The following NDE1 variants were observed in gnomAD, a reference collection of about 807,000 sequenced individuals.
The protein encoded by NDE1 is nuclear distribution protein nudE homolog 1.
A neutral mutation model predicts 43.4 loss-of-function variants in NDE1; 28 were observed. That is an observed-to-expected ratio of 0.65 (90% CI 0.48 to 0.89). NDE1 has a LOEUF of 0.89. NDE1 is among the 40% of genes least tolerant of loss of function. The pLI, the probability that NDE1 is intolerant of heterozygous loss-of-function variation, is 0.00. For missense variants in NDE1, 441 were observed against 434.1 expected, an observed-to-expected ratio of 1.02 and a Z score of -0.14; for synonymous variants, 184 against 172.0, an observed-to-expected ratio of 1.07 and a Z score of -0.55.
At chr16:15,687,314 G>T (rs748536366) in intron 4 of NDE1, 61 bp from the exon 5 acceptor site, 1 of 1,612,344 alleles carries the variant, frequency 6.2e-7, no homozygotes, top group East Asian at 2.2e-5. Flanking sequence ...TCCTGGATCC[G>T]CGGTGCTGGA....
intron 2 of NDE1, among the ~76,000 whole-genome samples, chr16:15,665,065 T>C (rs1409930348): frequency 6.6e-6 from 1 of 151,900 alleles, no homozygotes; most frequent in South Asian, 2.1e-4. Flanking sequence ...CAGGCTTTTT[T>C]TTTTTTGGCG....
intron 3 of NDE1, among the ~76,000 whole-genome samples, chr16:15,670,748 C>T (rs1190717333): frequency 6.6e-6 from 1 of 151,808 alleles, no homozygotes; most frequent in East Asian, 1.9e-4. Flanking sequence ...GTTGCTGACA[C>T]TTGGTGCTTG....
Position 15,718,400 on chromosome 16 carries a change from C to T in NDE1, c.948-5791C>T, listed in dbSNP as rs148433586. The T allele has an allele frequency of 6.3e-6, 10 of 1,596,380 alleles. No individual in the cohort carries two copies. The highest frequency in any genetic ancestry group is 4.5e-5 in the East Asian group (2 of 44,680). The stretch of plus-strand genomic sequence containing the variant: ...CAGCTCCTCCTCCAGCTGGGCGATC[C>T]GGGCCTCCAGGCGGCGCTTCTCGTC... On this transcript the variant is annotated intron_variant, in intron 8 of 8. Coordinates refer to ENST00000396354, the MANE Select transcript of NDE1 (RefSeq NM_017668.3).
chr16:15,649,431 A>C (rs1021007508), upstream of NDE1: 3 of 152,108 alleles, frequency 2.0e-5, no homozygotes, highest in African/African-American at 7.3e-5. Flanking sequence ...GTTTCCCGTG[A>C]TTCTCCTGCC....
chr16:15,720,240 GCTT>G lies in NDE1; in HGVS notation c.948-3944_948-3942del, dbSNP rs755547393. 3.9e-5 allele frequency: 63 copies of G among 1,613,982 alleles called. No individual in the cohort carries two copies. The highest frequency in any genetic ancestry group is 8.3e-5 in the Admixed American group (5 of 59,978). On this transcript the variant is annotated intron_variant, in intron 8 of 8. Coordinates refer to ENST00000396354, the MANE Select transcript of NDE1 (RefSeq NM_017668.3). Reference sequence around the variant, plus strand: ...TCCAGGTCTTTCAGGTCCCCTTCCAGCTTCTTCTTTGCTGCAGCTGCCAGGGCA... The same window carrying G: ...TCCAGGTCTTTCAGGTCCCCTTCCAGCTTCTTTGCTGCAGCTGCCAGGGCA...
intron 8 of NDE1, among the ~76,000 whole-genome samples, chr16:15,723,492 C>T (rs2040589847): frequency 6.6e-6 from 1 of 151,962 alleles, no homozygotes; most frequent in South Asian, 2.1e-4. Context: ...ACTAAAAATA[C>T]AAAAATTAGC....
chr16:15,693,699 G>A (rs1404045952), intron 6 of NDE1, among the ~76,000 whole-genome samples: 2 of 152,152 alleles, frequency 1.3e-5, no homozygotes, highest in Non-Finnish European at 2.9e-5. Flanking sequence ...CAGCACTTTT[G>A]GAGGCCAAGG....
intron 3 of NDE1, among the ~76,000 whole-genome samples, chr16:15,670,823 G>C (rs560036142): frequency 7.2e-5 from 11 of 152,192 alleles, no homozygotes; most frequent in African/African-American, 1.7e-4. Flanking sequence ...ATGGGTGTCG[G>C]GTGGACCTTG....
At chr16:15,652,952 C>A (rs985630265) in intron 1 of NDE1, among the ~76,000 whole-genome samples, 3 of 152,130 alleles carry the variant, frequency 2.0e-5, no homozygotes, top group African/African-American at 7.2e-5. Context: ...AGAGAGCCAC[C>A]GCGCCTGGCC....
rs142458525 is a variant in NDE1 at position 15,716,867 on chromosome 16, CAT to C, written c.948-7321_948-7320del. ...TATCCCTGCAGAGGCTGGGAAAAGTCATATGTACTGCTGGGAAGGCAGGTTAA... is the reference window on the plus strand; with the variant it reads ...TATCCCTGCAGAGGCTGGGAAAAGTCATGTACTGCTGGGAAGGCAGGTTAA... On this transcript the variant is annotated intron_variant, in intron 8 of 8. Transcript: ENST00000396354. Among the ~76,000 whole-genome samples, 667 of 152,310 alleles carry C rather than the reference CAT, an allele frequency of 4.4e-3. 1 individual carries two copies. The highest frequency in any genetic ancestry group is 0.014 in the African/African-American group (565 of 41,552).
rs1230103489 is a variant in NDE1 at position 15,724,837 on chromosome 16, C to T, written c.*586C>T. 6.2e-7 allele frequency: 1 copy of T among 1,613,686 alleles called. No homozygotes were observed. Among genetic ancestry groups the T allele is most frequent in the South Asian group, 1.1e-5 (1 of 91,086 alleles). On this transcript the variant is annotated 3_prime_UTR_variant, in exon 9 of 9. Coordinates refer to ENST00000396354, the MANE Select transcript of NDE1 (RefSeq NM_017668.3). ...TGCAAAGAGGTCCCAGGGACCTGCC[C>T]CGAGGAAGGCCACCCCCCAGGTCCC...
At chr16:15,669,994 G>A (rs567668699) in intron 3 of NDE1, among the ~76,000 whole-genome samples, 1 of 152,242 alleles carries the variant, frequency 6.6e-6, no homozygotes, top group East Asian at 1.9e-4. Flanking sequence ...TCAACACCGT[G>A]CCCCAGAGAC....
At chr16:15,719,834 A>G in intron 8 of NDE1, 1 of 1,408,088 alleles carries the variant, frequency 7.1e-7, no homozygotes, top group East Asian at 2.3e-5. Flanking sequence ...AGAAGTTCCC[A>G]TTGCACGAGC....
At position 15,664,725 on chromosome 16, in the gene NDE1, T is replaced by G; in HGVS notation, c.-43-11T>G. 7.5e-7 allele frequency: 1 copy of G among 1,335,922 alleles called. No homozygotes were observed. Among genetic ancestry groups the G allele is most frequent in the Non-Finnish European group, 1.1e-6 (1 of 927,962 alleles). 82.8% of individuals were successfully genotyped at this position (1,335,922 alleles called of 1,614,324 possible). A position where few individuals can be genotyped will look rare whatever the true frequency, so the allele number is the denominator to read the frequency against. ...AGATGTGGGTAATCATTTTGAAACCTTCTCTCCTAGACACCATGCCACAAG... is the reference window on the plus strand; with the variant it reads ...AGATGTGGGTAATCATTTTGAAACCGTCTCTCCTAGACACCATGCCACAAG... On this transcript the variant is annotated splice_polypyrimidine_tract_variant and intron_variant, in intron 1 of 8. Transcript: ENST00000396354.
At chr16:15,688,702 T>TTTTATTTTTTA (rs2038576362) in intron 5 of NDE1, among the ~76,000 whole-genome samples, 1 of 106,968 alleles carries the variant, frequency 9.3e-6, no homozygotes, top group Non-Finnish European at 2.0e-5. Flanking sequence ...TTTTTTTTTT[T>TTTTATTTTTTA]TTTTTTTTTT....
chr16:15,723,689 C>A (rs1032830117), intron 8 of NDE1, among the ~76,000 whole-genome samples: 1 of 152,132 alleles, frequency 6.6e-6, no homozygotes, highest in Admixed American at 6.6e-5. Flanking sequence ...GTGTCAATGA[C>A]TGAATCCAGG....
intron 8 of NDE1, among the ~76,000 whole-genome samples, chr16:15,723,561 C>T (rs545003279): frequency 5.7e-4 from 87 of 152,274 alleles, no homozygotes; most frequent in Admixed American, 1.9e-3. Context: ...GCAGGAGAAT[C>T]GCTTGAACCC....
Position 15,696,686 on chromosome 16 carries a change from G to C in NDE1, c.796-23G>C, listed in dbSNP as rs117247671. 28 of 1,614,038 alleles carry C rather than the reference G, an allele frequency of 1.7e-5. No homozygotes were observed. The East Asian group carries it at 5.3e-4, about 31-fold the overall frequency. ...AATAGTCCTTGCCTATAACTTGAGA[G>C]ATAAAAGTGTATTTCTGTCCAGGCA... On this transcript the variant is annotated intron_variant, in intron 7 of 8. Transcript: ENST00000396354.
At chr16:15,648,826 TTTTTAA>T (rs1379550917), upstream of NDE1, among the ~76,000 whole-genome samples, 2 of 151,744 alleles carry the variant, frequency 1.3e-5, no homozygotes, top group East Asian at 3.9e-4. Flanking sequence ...AAAAAATTAT[TTTTTAA>T]TTTTAATTTG....
Sources: allele counts gnomAD v4.1 joint callset (sites outside exome capture counted in the v4.1 genomes callset), GRCh38; gene constraint gnomAD v4.1.1; transcripts MANE v1.5; gene names NCBI Gene and HGNC (gene_info 2026-07-23, HGNC 2026-07-21).